The following RBFOX1 variants were observed in gnomAD, a reference collection of about 807,000 sequenced individuals.
RBFOX1 encodes RNA binding protein fox-1 homolog 1.
RBFOX1 carries 8 observed loss-of-function variants against 57.7 expected under a neutral mutation model. That is an observed-to-expected ratio of 0.14 (90% CI 0.08 to 0.25). RBFOX1 has a LOEUF of 0.25. RBFOX1 is among the 10% of genes least tolerant of loss of function. The probability of loss-of-function intolerance (pLI) is 1.00; values close to 1 mark genes in which losing one functional copy is unlikely to be tolerated. For synonymous variants in RBFOX1, 326 were observed against 222.4 expected (o/e 1.47, Z -4.15); for missense variants, 611 against 548.5 (o/e 1.11, Z -1.14).
chr16:5,300,063 GTTTTTT>G (rs1005567988), intron 1 of RBFOX1, among the ~76,000 whole-genome samples: 1 of 150,066 alleles, frequency 6.7e-6, no homozygotes, highest in Non-Finnish European at 1.5e-5. Flanking sequence ...AAAATTGTAA[GTTTTTT>G]TTTCCCTTTT....
intron 3 of RBFOX1, among the ~76,000 whole-genome samples, chr16:6,891,294 G>T (rs2065352780): frequency 6.6e-6 from 1 of 152,190 alleles, no homozygotes; most frequent in Non-Finnish European, 1.5e-5. Context: ...TAGCAAGGTG[G>T]CAGTATTATC....
chr16:6,251,616 A>G (rs936429750), intron 1 of RBFOX1, among the ~76,000 whole-genome samples: 2 of 152,118 alleles, frequency 1.3e-5, no homozygotes, highest in Non-Finnish European at 2.9e-5. Flanking sequence ...AAGAGAGAGA[A>G]AAAAATGAGA....
chr16:6,923,158 G>C (rs1000656056), intron 3 of RBFOX1, among the ~76,000 whole-genome samples: 1 of 152,176 alleles, frequency 6.6e-6, no homozygotes, highest in Non-Finnish European at 1.5e-5. Context: ...GTGTGAGTCT[G>C]AGAATAAATA....
rs2083623124 is a variant in RBFOX1 at position 7,709,708 on chromosome 16, G to A, written c.1071+577G>A. The A allele has an allele frequency of 2.4e-5, 25 of 1,035,218 alleles. 1 individual carries two copies. In the South Asian group the frequency reaches 7.4e-4, roughly 31 times the overall value. 64.1% of individuals were successfully genotyped at this position (1,035,218 alleles called of 1,614,324 possible). ...TAGAAGGAATCAGCTGGGTTTGGGG[G>A]TTGCCTTTTGTTTTGGGGCAGGTCT... is the stretch of plus-strand genomic sequence containing the variant. On this transcript the variant is annotated intron_variant, in intron 15 of 15. Coordinates refer to ENST00000550418, the MANE Select transcript of RBFOX1 (RefSeq NM_018723.4).
chr16:7,481,082 T>A (rs2063821799), intron 4 of RBFOX1, among the ~76,000 whole-genome samples: 1 of 152,202 alleles, frequency 6.6e-6, no homozygotes, highest in Non-Finnish European at 1.5e-5. Flanking sequence ...CTATTGCTCC[T>A]TACATCTGGA....
At chr16:6,784,877 T>G (rs2081655898) in intron 3 of RBFOX1, among the ~76,000 whole-genome samples, 1 of 152,096 alleles carries the variant, frequency 6.6e-6, no homozygotes, top group Non-Finnish European at 1.5e-5. Context: ...AAGAGCTAAG[T>G]GAAGGTCGGC....
intron 4 of RBFOX1, among the ~76,000 whole-genome samples, chr16:7,186,592 ATATT>A (rs1303158662): frequency 7.1e-6 from 1 of 140,582 alleles, no homozygotes; most frequent in South Asian, 2.2e-4. Flanking sequence ...AAGCTTAAAC[ATATT>A]TATATAAATA....
At chr16:6,138,195 C>A (rs549213529) in intron 1 of RBFOX1, among the ~76,000 whole-genome samples, 9 of 152,196 alleles carry the variant, frequency 5.9e-5, no homozygotes, top group Admixed American at 4.6e-4. Context: ...GATGGGTGTG[C>A]GGTCTGGGCC....
chr16:7,406,774 C>CTGAA (rs2098347911), intron 4 of RBFOX1, among the ~76,000 whole-genome samples: 1 of 152,202 alleles, frequency 6.6e-6, no homozygotes, highest in Non-Finnish European at 1.5e-5. Flanking sequence ...GGCAAAAAGA[C>CTGAA]TGAAGTAGGT....
chr16:6,699,570 A>T (rs2061527496), intron 3 of RBFOX1, among the ~76,000 whole-genome samples: 2 of 152,234 alleles, frequency 1.3e-5, no homozygotes, highest in African/African-American at 4.8e-5. Context: ...AAAGCGAGTG[A>T]TATGTCATAA....
intron 3 of RBFOX1, among the ~76,000 whole-genome samples, chr16:5,752,907 G>A (rs2053261736): frequency 6.6e-6 from 1 of 152,212 alleles, no homozygotes; most frequent in Non-Finnish European, 1.5e-5. Flanking sequence ...CCAGCACTTT[G>A]GGAGGCTGAG....
chr16:5,490,410 C>G (rs1382606855), intron 2 of RBFOX1, among the ~76,000 whole-genome samples: 2 of 152,230 alleles, frequency 1.3e-5, no homozygotes, highest in East Asian at 3.9e-4. Context: ...ACCCAGGTTC[C>G]TCCTATTCAT....
intron 4 of RBFOX1, among the ~76,000 whole-genome samples, chr16:7,061,275 TA>T (rs1381138508): frequency 2.0e-5 from 3 of 152,206 alleles, no homozygotes; most frequent in Non-Finnish European, 4.4e-5. Flanking sequence ...AAATGTTTTT[TA>T]AATGTCATCT....
intron 14 of RBFOX1, among the ~76,000 whole-genome samples, chr16:7,699,609 T>TA (rs1217177266): frequency 6.6e-6 from 1 of 152,164 alleles, no homozygotes; most frequent in Non-Finnish European, 1.5e-5. Context: ...GAGTTGTAAG[T>TA]AAAAAATGCA....
chr16:7,401,791 C>T (rs2098248472), intron 4 of RBFOX1, among the ~76,000 whole-genome samples: 2 of 152,068 alleles, frequency 1.3e-5, no homozygotes, highest in Non-Finnish European at 2.9e-5. Context: ...ATGTCATAGG[C>T]CCAGCTTCTA....
chr16:7,664,467 G>A (rs1044650919), intron 12 of RBFOX1, among the ~76,000 whole-genome samples: 1 of 152,140 alleles, frequency 6.6e-6, no homozygotes, highest in Non-Finnish European at 1.5e-5. Context: ...TTCAGCTCTA[G>A]CCCATACTGA....
chr16:5,987,886 C>G (rs1016422364), intron 4 of RBFOX1, among the ~76,000 whole-genome samples: 8 of 152,172 alleles, frequency 5.3e-5, no homozygotes, highest in Admixed American at 1.3e-4. Flanking sequence ...TATATAATCC[C>G]TGAAGTTACA....
chr16:7,688,470 C>T (rs139280858), intron 14 of RBFOX1, among the ~76,000 whole-genome samples: 4 of 152,058 alleles, frequency 2.6e-5, no homozygotes, highest in South Asian at 2.1e-4. Flanking sequence ...CCCACCTGCC[C>T]GCACCAAAAG....
intron 3 of RBFOX1, among the ~76,000 whole-genome samples, chr16:6,832,955 A>C (rs12918488): frequency 0.14 from 20,940 of 152,160 alleles, 1,574 homozygotes; most frequent in Non-Finnish European, 0.16. Context: ...TTAAAAATAC[A>C]GTCACACAAA....
Sources: allele counts gnomAD v4.1 joint callset (sites outside exome capture counted in the v4.1 genomes callset), GRCh38; gene constraint gnomAD v4.1.1; transcripts MANE v1.5; gene names NCBI Gene and HGNC (gene_info 2026-07-23, HGNC 2026-07-21).